OPCML: variants seen among roughly 807,000 people sequenced by gnomAD.
OPCML encodes opioid binding protein/cell adhesion molecule like.
In OPCML, 13 loss-of-function variants were observed where a neutral mutation model predicts 37.8. That is an observed-to-expected ratio of 0.34 (90% CI 0.22 to 0.55). OPCML has a LOEUF of 0.55. Ranked by LOEUF, OPCML falls within the 20% of genes least tolerant of loss-of-function variation. The probability of loss-of-function intolerance (pLI) is 0.91; values close to 1 mark genes in which losing one functional copy is unlikely to be tolerated. For missense variants in OPCML, 341 were observed against 435.6 expected (o/e 0.78, Z 1.93); for synonymous variants, 176 against 168.8 (o/e 1.04, Z -0.33).
chr11:133,244,199 C>T (rs1212994485), intron 1 of OPCML, among the ~76,000 whole-genome samples: 1 of 152,164 alleles, frequency 6.6e-6, no homozygotes, highest in East Asian at 1.9e-4. Context: ...GCCAGCTCCA[C>T]CATTCAATAG....
At chr11:133,178,773 T>C (rs1182510238) in intron 1 of OPCML, among the ~76,000 whole-genome samples, 1 of 152,176 alleles carries the variant, frequency 6.6e-6, no homozygotes, top group Non-Finnish European at 1.5e-5. Context: ...ATGCTTTAAT[T>C]CATAGTTTGG....
At chr11:132,755,107 T>C (rs1391767825) in intron 2 of OPCML, among the ~76,000 whole-genome samples, 1 of 152,178 alleles carries the variant, frequency 6.6e-6, no homozygotes, top group Non-Finnish European at 1.5e-5. Context: ...AAAACTACTG[T>C]TTTTAGGTCA....
At chr11:132,499,658 C>A (rs1212620016) in intron 4 of OPCML, among the ~76,000 whole-genome samples, 1 of 152,190 alleles carries the variant, frequency 6.6e-6, no homozygotes, top group Non-Finnish European at 1.5e-5. Context: ...TGATCTTAGA[C>A]AATTGATTTC....
At chr11:132,703,505 G>T (rs145584178) in intron 2 of OPCML, among the ~76,000 whole-genome samples, 1 of 152,060 alleles carries the variant, frequency 6.6e-6, no homozygotes, top group African/African-American at 2.4e-5. Flanking sequence ...CATCTCTTCC[G>T]GTCTGTATAG....
chr11:132,454,323 G>C (rs1372634118), intron 4 of OPCML, among the ~76,000 whole-genome samples: 1 of 152,210 alleles, frequency 6.6e-6, no homozygotes, highest in South Asian at 2.1e-4. Flanking sequence ...GAAAATCAGT[G>C]TTTGCATCCA....
At chr11:132,900,153 A>G (rs1403961493) in intron 2 of OPCML, among the ~76,000 whole-genome samples, 2 of 152,204 alleles carry the variant, frequency 1.3e-5, no homozygotes, top group Non-Finnish European at 2.9e-5. Context: ...CTGCAAAGCA[A>G]TTCCAAGTAG....
chr11:133,476,519 C>CT (rs1437913149), intron 1 of OPCML, among the ~76,000 whole-genome samples: 1 of 152,004 alleles, frequency 6.6e-6, no homozygotes, highest in African/African-American at 2.4e-5. Flanking sequence ...GTGAATTTGC[C>CT]TTTTTTTCAG....
chr11:132,935,346 G>T (rs1016460508), intron 2 of OPCML, among the ~76,000 whole-genome samples: 3 of 151,918 alleles, frequency 2.0e-5, no homozygotes, highest in African/African-American at 7.3e-5. Context: ...TCTCTTTTGC[G>T]TAATTACTTC....
intron 1 of OPCML, among the ~76,000 whole-genome samples, chr11:133,504,178 G>A (rs980742715): frequency 2.0e-5 from 3 of 152,172 alleles, no homozygotes; most frequent in Non-Finnish European, 4.4e-5. Flanking sequence ...GACCTGTCCT[G>A]AAAAGAAACT....
At chr11:133,318,468 C>T (rs1366486820) in intron 1 of OPCML, among the ~76,000 whole-genome samples, 1 of 149,098 alleles carries the variant, frequency 6.7e-6, no homozygotes, top group Non-Finnish European at 1.5e-5. Context: ...TCGCCATGAC[C>T]CCTGCTGTTT....
chr11:132,614,490 A>G (rs115825151), intron 3 of OPCML, among the ~76,000 whole-genome samples: 3,967 of 152,224 alleles, frequency 0.026, 177 homozygotes, highest in African/African-American at 0.091. Flanking sequence ...GGGCCTCTGC[A>G]CTGACGTGTC....
chr11:132,454,191 C>A (rs2096075610), intron 4 of OPCML, among the ~76,000 whole-genome samples: 1 of 152,160 alleles, frequency 6.6e-6, no homozygotes, highest in Non-Finnish European at 1.5e-5. Context: ...TAATTGGTCT[C>A]ATTTGTATGG....
At chr11:133,486,876 A>G (rs975590539) in intron 1 of OPCML, among the ~76,000 whole-genome samples, 5 of 103,578 alleles carry the variant, frequency 4.8e-5, no homozygotes, top group African/African-American at 1.1e-4. Context: ...TTCCCTCTCT[A>G]TCTCTCCTTT....
intron 2 of OPCML, among the ~76,000 whole-genome samples, chr11:132,835,045 C>A (rs1011819432): frequency 1.3e-5 from 2 of 150,836 alleles, no homozygotes; most frequent in Non-Finnish European, 2.9e-5. Context: ...AGAGCCAGGA[C>A]TTCTACTCTG....
intron 2 of OPCML, among the ~76,000 whole-genome samples, chr11:132,764,878 A>G (rs1016051574): frequency 6.6e-6 from 1 of 152,222 alleles, no homozygotes; most frequent in African/African-American, 2.4e-5. Flanking sequence ...CAAAATTCAC[A>G]TTCTAGCAAG....
chr11:133,495,366 G>A (rs1246956345), intron 1 of OPCML, among the ~76,000 whole-genome samples: 5 of 152,172 alleles, frequency 3.3e-5, no homozygotes, highest in African/African-American at 9.7e-5. Context: ...ATAAACATGC[G>A]TATGCAAGTA....
At chr11:133,530,526 C>T (rs1047985552) in intron 1 of OPCML, among the ~76,000 whole-genome samples, 1 of 152,194 alleles carries the variant, frequency 6.6e-6, no homozygotes, top group Non-Finnish European at 1.5e-5. Context: ...AGTTTGTCTT[C>T]TCCTGCCACG....
chr11:132,961,149 C>T (rs1946084952), intron 1 of OPCML, among the ~76,000 whole-genome samples: 3 of 152,124 alleles, frequency 2.0e-5, no homozygotes, highest in Admixed American at 6.5e-5. Flanking sequence ...GGCAGGGAGT[C>T]CCAAAAATAG....
intron 1 of OPCML, among the ~76,000 whole-genome samples, chr11:133,527,328 A>C (rs1288524609): frequency 6.6e-6 from 1 of 152,208 alleles, no homozygotes; most frequent in Non-Finnish European, 1.5e-5. Context: ...TAAAAGCTCA[A>C]AGTCAGAATG....
Sources: gnomAD v4.1 joint callset for allele counts (sites outside exome capture counted in the v4.1 genomes callset) on GRCh38, gnomAD v4.1.1 for gene constraint, MANE v1.5 for transcripts, NCBI Gene and HGNC (gene_info 2026-07-23, HGNC 2026-07-21) for gene names.